Variants in NAV2 observed in about 807,000 individuals in gnomAD.
NAV2 encodes helicase, APC down-regulated 1.
In NAV2, 54 loss-of-function variants were observed where a neutral mutation model predicts 223.2. The observed-to-expected ratio is 0.24, with a 90% CI of 0.19 to 0.30. NAV2 has a LOEUF of 0.30. Ranked by LOEUF, NAV2 falls within the 10% of genes least tolerant of loss-of-function variation. NAV2 has a pLI of 1.00. For synonymous variants in NAV2, 1,279 were observed against 1,239.3 expected (o/e 1.03, Z -0.67); for missense variants, 2,806 against 3,147.5 (o/e 0.89, Z 2.60).
intron 1 of NAV2, among the ~76,000 whole-genome samples, chr11:19,379,296 G>C (rs11025107): frequency 0.022 from 3,353 of 152,276 alleles, 52 homozygotes; most frequent in Middle Eastern, 0.034. Context: ...TAATAAGGTG[G>C]AAAAGTCAGA....
At chr11:19,739,171 G>A (rs888114041) in intron 1 of NAV2, among the ~76,000 whole-genome samples, 5 of 152,126 alleles carry the variant, frequency 3.3e-5, no homozygotes, top group Non-Finnish European at 7.4e-5. Flanking sequence ...GACAGAGTGA[G>A]ACCCTCTGTC....
chr11:19,765,446 C>T (rs2055139144), intron 1 of NAV2, among the ~76,000 whole-genome samples: 1 of 145,904 alleles, frequency 6.9e-6, no homozygotes, highest in Non-Finnish European at 1.5e-5. Flanking sequence ...TTCTTCTTCC[C>T]CTTCCCCTTC....
At chr11:20,014,761 G>C (rs2053863184) in intron 11 of NAV2, among the ~76,000 whole-genome samples, 1 of 152,134 alleles carries the variant, frequency 6.6e-6, no homozygotes, top group African/African-American at 2.4e-5. Context: ...AATTAGCTGT[G>C]TGTGGTGGTG....
intron 1 of NAV2, among the ~76,000 whole-genome samples, chr11:19,532,352 G>A (rs918582646): frequency 6.6e-6 from 1 of 152,130 alleles, no homozygotes; most frequent in Non-Finnish European, 1.5e-5. Flanking sequence ...TTTCTCATCA[G>A]TAATATGCAA....
chr11:19,617,635 G>A (rs1045480051), intron 1 of NAV2, among the ~76,000 whole-genome samples: 10 of 152,210 alleles, frequency 6.6e-5, no homozygotes, highest in Admixed American at 6.5e-5. Context: ...GCATGGTAAA[G>A]TGTGAGGGTA....
intron 1 of NAV2, among the ~76,000 whole-genome samples, chr11:19,445,054 A>G (rs914469767): frequency 3.9e-5 from 6 of 152,154 alleles, no homozygotes; most frequent in Non-Finnish European, 8.8e-5. Flanking sequence ...CATCACCACC[A>G]TCATTATTTA....
chr11:19,547,643 G>A (rs897011647), intron 1 of NAV2, among the ~76,000 whole-genome samples: 1 of 151,876 alleles, frequency 6.6e-6, no homozygotes, highest in African/African-American at 2.4e-5. Flanking sequence ...TTTTTCTTGG[G>A]ACCCCTTACT....
chr11:19,651,388 G>A (rs2047964633), intron 1 of NAV2, among the ~76,000 whole-genome samples: 1 of 152,202 alleles, frequency 6.6e-6, no homozygotes, highest in South Asian at 2.1e-4. Context: ...TGGGACAGAG[G>A]CATGGAGAAT....
intron 14 of NAV2, among the ~76,000 whole-genome samples, chr11:20,046,457 C>T (rs1309407090): frequency 3.3e-5 from 5 of 151,958 alleles, no homozygotes; most frequent in Admixed American, 3.3e-4. Flanking sequence ...AATAATTCTT[C>T]AGCTGAGCTT....
intron 22 of NAV2, among the ~76,000 whole-genome samples, chr11:20,073,860 T>C (rs1483989330): frequency 6.6e-6 from 1 of 152,122 alleles, no homozygotes; most frequent in Non-Finnish European, 1.5e-5. Context: ...GCAGTCTATT[T>C]TGTTGATCTT....
In NAV2 at chr11:19,675,896, C is replaced by CCAG. The variant is rs2048699872; in HGVS notation, c.76-156588_76-156587insCAG. Among the ~76,000 whole-genome samples the CCAG allele has an allele frequency of 1.4e-4, 22 of 152,312 alleles. No homozygotes were observed. The South Asian group carries it at 4.6e-3, about 32-fold the overall frequency. Reference sequence around the variant, plus strand: ...AATGTTAACATTTTCTGAGTGCTTACTCTGTACCATGCATTTGATGTATAT... The same window carrying CCAG: ...AATGTTAACATTTTCTGAGTGCTTACCAGTCTGTACCATGCATTTGATGTATAT... On this transcript the variant is annotated intron_variant, in intron 1 of 37. Transcript: ENST00000360655.
At chr11:19,518,171 AT>A (rs1328488656) in intron 1 of NAV2, among the ~76,000 whole-genome samples, 1 of 152,250 alleles carries the variant, frequency 6.6e-6, no homozygotes, top group Non-Finnish European at 1.5e-5. Flanking sequence ...TCCTAGGGGA[AT>A]TTCATCAAAG....
rs150113877 is a variant in NAV2 at position 19,373,562 on chromosome 11, A to G, written c.75+22535A>G. 3.5e-3 allele frequency among the ~76,000 whole-genome samples: 535 copies of G among 152,284 alleles called. 1 individual carries two copies. The highest frequency in any genetic ancestry group is 5.7e-3 in the Non-Finnish European group (389 of 68,018). On this transcript the variant is annotated intron_variant, in intron 1 of 37. Coordinates refer to the NAV2 transcript ENST00000360655. ...CTGAAAGACCTCCTCTGATCACATC[A>G]TCCAAACTAGTCCCTCCTGCAGGAC... is the stretch of plus-strand genomic sequence containing the variant.
At chr11:19,714,061 C>A in intron 1 of NAV2, 99 bp downstream of exon 1, 1 of 1,474,116 alleles carries the variant, frequency 6.8e-7, no homozygotes, top group Non-Finnish European at 9.2e-7. Context: ...GAAGGGTCTA[C>A]CATGTGGCCA....
At chr11:19,562,753 G>T (rs1440845320) in intron 1 of NAV2, among the ~76,000 whole-genome samples, 1 of 152,150 alleles carries the variant, frequency 6.6e-6, no homozygotes, top group Non-Finnish European at 1.5e-5. Flanking sequence ...TAGTTCTCAG[G>T]TCAGAGCCCA....
At chr11:19,610,438 C>T (rs978973439) in intron 1 of NAV2, among the ~76,000 whole-genome samples, 1 of 152,184 alleles carries the variant, frequency 6.6e-6, no homozygotes, top group African/African-American at 2.4e-5. Flanking sequence ...ATGTGGGCTA[C>T]AGTTGCAGCT....
rs1342184696 is a variant in NAV2 at position 19,712,896 on chromosome 11, C to A, written c.-800C>A. Among the ~76,000 whole-genome samples the A allele has an allele frequency of 6.6e-6, 1 of 151,172 alleles. No homozygotes were observed. ...GCCTTCCCGGGAAGCGCGGCGGCCG[C>A]TCCCGAGCGCAGCCCTGCCCGGCCC... On this transcript the variant is annotated 5_prime_UTR_variant, in exon 1 of 38. Transcript: ENST00000349880.
chr11:19,517,096 G>A (rs538385699), intron 1 of NAV2, among the ~76,000 whole-genome samples: 1 of 152,056 alleles, frequency 6.6e-6, no homozygotes, highest in Non-Finnish European at 1.5e-5. Context: ...GAAGAGAAAG[G>A]ATGTGGATTG....
chr11:19,822,174 T>C (rs2059418062), intron 1 of NAV2, among the ~76,000 whole-genome samples: 1 of 152,198 alleles, frequency 6.6e-6, no homozygotes, highest in South Asian at 2.1e-4. Context: ...GATTATCTCA[T>C]TTCAATCTCA....
Sources: allele counts gnomAD v4.1 joint callset (sites outside exome capture counted in the v4.1 genomes callset), GRCh38; gene constraint gnomAD v4.1.1; transcripts MANE v1.5; gene names NCBI Gene and HGNC (gene_info 2026-07-23, HGNC 2026-07-21).